KCNIP1: variants seen among roughly 807,000 people sequenced by gnomAD.
The protein encoded by KCNIP1 is potassium voltage-gated channel interacting protein 1, also known as A-type potassium channel modulatory protein KCNIP1.
Under a neutral mutation model 33.0 loss-of-function variants are expected in KCNIP1, and 18 were observed. The ratio of observed to expected loss-of-function variants is 0.55; its 90% CI spans 0.38 to 0.81. The LOEUF is 0.81. Ranked by LOEUF, KCNIP1 falls within the 30% of genes least tolerant of loss-of-function variation. The pLI is 0.00. For missense variants in KCNIP1, 238 were observed against 271.6 expected, an observed-to-expected ratio of 0.88 and a Z score of 0.87; for synonymous variants, 93 against 98.3, an observed-to-expected ratio of 0.95 and a Z score of 0.32.
At chr5:170,394,255 C>T (rs761473395) in intron 1 of KCNIP1, among the ~76,000 whole-genome samples, 1 of 152,190 alleles carries the variant, frequency 6.6e-6, no homozygotes, top group Admixed American at 6.5e-5. Flanking sequence ...GCTCTGCTTC[C>T]GCATGCTGGG....
In KCNIP1 at chr5:170,556,830, C is replaced by T. The variant is rs545883251; in HGVS notation, c.61+52197C>T. Reference sequence around the variant, plus strand: ...CAATGCACCAGAGTATTTCTAGACCCTCATTCTGCAGTCAGCTCTAGCTGC... The same window carrying T: ...CAATGCACCAGAGTATTTCTAGACCTTCATTCTGCAGTCAGCTCTAGCTGC... On this transcript the variant is annotated intron_variant, in intron 1 of 7. Transcript: ENST00000328939. Among the ~76,000 whole-genome samples, 3 of 152,346 alleles carry T rather than the reference C, an allele frequency of 2.0e-5. No homozygotes were observed. In the East Asian group the frequency reaches 5.8e-4, roughly 29 times the overall value.
At chr5:170,512,559 A>G (rs1754976429) in intron 1 of KCNIP1, among the ~76,000 whole-genome samples, 1 of 152,216 alleles carries the variant, frequency 6.6e-6, no homozygotes, top group Admixed American at 6.5e-5. Context: ...TTTCATCTCT[A>G]CATAATCTAG....
intron 1 of KCNIP1, among the ~76,000 whole-genome samples, chr5:170,670,817 G>T (rs11134642): frequency 0.2 from 29,575 of 151,644 alleles, 3,653 homozygotes; most frequent in East Asian, 0.53. Flanking sequence ...AATTGCTTGA[G>T]CCTGGGAGGT....
chr5:170,647,692 TC>T (rs1760840004), intron 1 of KCNIP1, among the ~76,000 whole-genome samples: 1 of 152,046 alleles, frequency 6.6e-6, no homozygotes, highest in Non-Finnish European at 1.5e-5. Context: ...TAACATGGAA[TC>T]ATATCTAGAA....
chr5:170,554,675 TC>T (rs1366719363), intron 1 of KCNIP1, among the ~76,000 whole-genome samples: 1 of 152,212 alleles, frequency 6.6e-6, no homozygotes, highest in African/African-American at 2.4e-5. Context: ...ATAGCAAATG[TC>T]TTTGCAGGCA....
chr5:170,591,596 C>A (rs183479158), intron 1 of KCNIP1, among the ~76,000 whole-genome samples: 2 of 152,162 alleles, frequency 1.3e-5, no homozygotes, highest in Non-Finnish European at 1.5e-5. Context: ...ACCCATTAAA[C>A]GACTCCCCAT....
At chr5:170,602,668 C>A (rs1370195319) in intron 1 of KCNIP1, among the ~76,000 whole-genome samples, 1 of 152,168 alleles carries the variant, frequency 6.6e-6, no homozygotes, top group African/African-American at 2.4e-5. Flanking sequence ...GAACCTAGGA[C>A]AGGGATAGAC....
intron 1 of KCNIP1, among the ~76,000 whole-genome samples, chr5:170,619,652 G>A (rs1759526207): frequency 6.6e-6 from 1 of 152,208 alleles, no homozygotes. Flanking sequence ...ACATTTTAAA[G>A]CAACAGAGAT....
intron 1 of KCNIP1, among the ~76,000 whole-genome samples, chr5:170,684,357 A>G (rs578071149): frequency 1.2e-4 from 19 of 152,196 alleles, no homozygotes; most frequent in Non-Finnish European, 2.2e-4. Flanking sequence ...ACTCCCCTAG[A>G]GTCTAAAGTC....
intron 1 of KCNIP1, among the ~76,000 whole-genome samples, chr5:170,706,453 A>G (rs745420652): frequency 2.0e-5 from 3 of 152,224 alleles, no homozygotes; most frequent in Non-Finnish European, 2.9e-5. Context: ...GGAAAACTGT[A>G]TCAATCAGGC....
rs895932880 is a variant in KCNIP1, at chr5:170,504,324, C to A, written c.-249C>A. 2.2e-6 allele frequency: 3 copies of A among 1,371,048 alleles called. No homozygotes were observed. Among genetic ancestry groups the A allele is most frequent in the Non-Finnish European group, 9.4e-7 (1 of 1,067,060 alleles). 84.9% of individuals were successfully genotyped at this position (1,371,048 alleles called of 1,614,324 possible). On this transcript the variant is annotated 5_prime_UTR_variant, in exon 1 of 8. Transcript: ENST00000328939. This position sits in a 1 kb window ranked among gnomAD's most constrained non-coding sequence, Gnocchi z 6.0. ...CGAGGGAACCGCCGGGCCGGGTCCT[C>A]GCGCGGGGAAGCGGTTCCGAAGGCT... is the stretch of plus-strand genomic sequence containing the variant.
chr5:170,427,969 G>A (rs530278687), intron 1 of KCNIP1, among the ~76,000 whole-genome samples: 6 of 152,314 alleles, frequency 3.9e-5, no homozygotes, highest in African/African-American at 1.2e-4. Flanking sequence ...GTTGTTAGAT[G>A]TACAAGTGTG....
At chr5:170,448,893 G>A (rs1262552173) in intron 1 of KCNIP1, among the ~76,000 whole-genome samples, 3 of 152,156 alleles carry the variant, frequency 2.0e-5, no homozygotes, top group Admixed American at 1.3e-4. Context: ...CAAGGTAATT[G>A]TTCCCGTATT....
At chr5:170,418,905 C>T (rs1048951271) in intron 1 of KCNIP1, among the ~76,000 whole-genome samples, 1 of 152,192 alleles carries the variant, frequency 6.6e-6, no homozygotes, top group Non-Finnish European at 1.5e-5. Flanking sequence ...TCATATAGCC[C>T]TCTATTTACA....
intron 1 of KCNIP1, among the ~76,000 whole-genome samples, chr5:170,564,941 G>C (rs1215306547): frequency 6.6e-6 from 1 of 151,926 alleles, no homozygotes; most frequent in East Asian, 1.9e-4. Context: ...TTCTGACTTA[G>C]CTTGTAAGAA....
chr5:170,608,215 C>T (rs1040055139), intron 1 of KCNIP1, among the ~76,000 whole-genome samples: 1 of 152,216 alleles, frequency 6.6e-6, no homozygotes, highest in Non-Finnish European at 1.5e-5. Flanking sequence ...CAGCCATCCT[C>T]AGAGCCGAAA....
intron 1 of KCNIP1, among the ~76,000 whole-genome samples, chr5:170,395,625 T>A (rs572551610): frequency 3.9e-5 from 6 of 152,180 alleles, no homozygotes; most frequent in Non-Finnish European, 5.9e-5. Context: ...GCACAAAGTT[T>A]GGGGACCAGA....
intron 1 of KCNIP1, among the ~76,000 whole-genome samples, chr5:170,491,139 C>G (rs1356940291): frequency 6.6e-6 from 1 of 152,078 alleles, no homozygotes; most frequent in African/African-American, 2.4e-5. Flanking sequence ...TCAGTCCGGA[C>G]CTCCCCTCCC....
intron 1 of KCNIP1, among the ~76,000 whole-genome samples, chr5:170,633,536 G>A (rs557776811): frequency 4.4e-4 from 66 of 150,236 alleles, no homozygotes; most frequent in Non-Finnish European, 8.1e-4. Flanking sequence ...AAACGCAGAG[G>A]CTTTCCAGGA....
Sources: gnomAD v4.1 joint callset for allele counts (sites outside exome capture counted in the v4.1 genomes callset) on GRCh38, gnomAD v4.1.1 for gene constraint, Gnocchi (gnomAD v3.1) non-coding constraint, MANE v1.5 for transcripts, NCBI Gene and HGNC (gene_info 2026-07-23, HGNC 2026-07-21) for gene names.